The following KLRF2 variants were observed in gnomAD, a reference collection of about 807,000 sequenced individuals.
KLRF2 encodes the protein killer cell lectin-like receptor subfamily F member 2.
Under a neutral mutation model 25.3 loss-of-function variants are expected in KLRF2, and 28 were observed. The observed-to-expected ratio is 1.11, with a 90% CI of 0.82 to 1.52. The LOEUF is 1.52. Among genes scored for constraint, KLRF2 ranks in the 40% most tolerant of loss-of-function variants. KLRF2 has a pLI of 0.00. For missense variants in KLRF2, 265 were observed against 245.8 expected, an observed-to-expected ratio of 1.08 and a Z score of -0.52; for synonymous variants, 73 against 85.0, an observed-to-expected ratio of 0.86 and a Z score of 0.78.
At chr12:9,888,686 A>G (rs566479399) in intron 2 of KLRF2, 47 bp from the exon 3 acceptor site, 17 of 1,092,070 alleles carry the variant, frequency 1.6e-5, no homozygotes, top group Non-Finnish European at 2.1e-5. Flanking sequence ...CTAGATTGCT[A>G]TTGATTTTTA....
intron 5 of KLRF2, among the ~76,000 whole-genome samples, chr12:9,894,126 T>TC (rs1862724726): frequency 1.5e-5 from 2 of 130,198 alleles, no homozygotes; most frequent in Non-Finnish European, 3.2e-5. Flanking sequence ...TTTCTTTTCT[T>TC]TCTCTCTCTC....
intron 3 of KLRF2, among the ~76,000 whole-genome samples, chr12:9,890,057 AT>A (rs1160223247): frequency 6.6e-6 from 1 of 152,106 alleles, no homozygotes; most frequent in Non-Finnish European, 1.5e-5. Flanking sequence ...CATAATCAAT[AT>A]TTTCCATCTG....
At chr12:9,882,252 TACCAG>T (rs59508172) in intron 1 of KLRF2, among the ~76,000 whole-genome samples, 15,552 of 152,080 alleles carry the variant, frequency 0.1, 1,131 homozygotes, top group East Asian at 0.33. Context: ...AATTCAGAAT[TACCAG>T]TCGCAGTGGC....
intron 3 of KLRF2, among the ~76,000 whole-genome samples, chr12:9,892,683 C>G (rs1300142013): frequency 6.9e-6 from 1 of 145,096 alleles, no homozygotes; most frequent in East Asian, 2.0e-4. Flanking sequence ...CTCCCAGGTT[C>G]AAGCGATTCT....
chr12:9,894,472 A>C (rs1307530555), intron 5 of KLRF2, among the ~76,000 whole-genome samples: 1 of 151,564 alleles, frequency 6.6e-6, no homozygotes, highest in Non-Finnish European at 1.5e-5. Context: ...GTGAGCCACC[A>C]CTCCCAGCCT....
intron 2 of KLRF2, among the ~76,000 whole-genome samples, chr12:9,885,738 AT>A (rs1351011762): frequency 3.3e-5 from 5 of 152,000 alleles, no homozygotes; most frequent in African/African-American, 1.2e-4. Flanking sequence ...TACTTAATGT[AT>A]TTTTTCTCTA....
chr12:9,895,278 A>C (rs1862743888), intron 5 of KLRF2, among the ~76,000 whole-genome samples: 1 of 152,228 alleles, frequency 6.6e-6, no homozygotes, highest in East Asian at 1.9e-4. Flanking sequence ...TGGAGAATTA[A>C]TAGATAGGAA....
intron 5 of KLRF2, 117 bp from the exon 6 acceptor site, chr12:9,895,572 C>A: frequency 2.2e-6 from 2 of 908,552 alleles, no homozygotes; most frequent in Non-Finnish European, 1.6e-6. Flanking sequence ...ATTCTAAAAC[C>A]TCTGCAAAAC....
chr12:9,891,394 C>G (rs1008329513), intron 3 of KLRF2, among the ~76,000 whole-genome samples: 5 of 152,156 alleles, frequency 3.3e-5, no homozygotes, highest in African/African-American at 1.2e-4. Context: ...GTGTCCACAT[C>G]TTGCATCTTC....
In KLRF2 at chr12:9,893,122, C is replaced by T. The variant is rs1394454805; in HGVS notation, c.320C>T (p.Thr107Ile). 2 of 1,535,516 alleles carry T rather than the reference C, an allele frequency of 1.3e-6. No homozygotes were observed. Among genetic ancestry groups the T allele is most frequent in the East Asian group, 4.9e-5 (2 of 40,896 alleles). ...TGGAAAGAGAGTCAACGTGATTGTA[C>T]ACAGCTACAGGCACATTTACTGGTG... ...KTWKESQRDC[T>I]QLQAHLLVIQ... The change falls in exon 4 of 6, where the codon ACA becomes ATA. Residue 107 changes from threonine (T) to isoleucine (I), a missense_variant. Coordinates refer to ENST00000535540, the MANE Select transcript of KLRF2 (RefSeq NM_001190765.1).
At chr12:9,889,965 T>A (rs2137000858) in intron 3 of KLRF2, among the ~76,000 whole-genome samples, 1 of 152,230 alleles carries the variant, frequency 6.6e-6, no homozygotes, top group African/African-American at 2.4e-5. Context: ...TAAATTTTTA[T>A]TACATAAATA....
At chr12:9,891,504 A>G (rs1224007229) in intron 3 of KLRF2, among the ~76,000 whole-genome samples, 1 of 152,180 alleles carries the variant, frequency 6.6e-6, no homozygotes, top group Non-Finnish European at 1.5e-5. Context: ...TATCTACATA[A>G]TAAAATTATT....
At chr12:9,892,735 CCA>C (rs1466081739) in intron 3 of KLRF2, among the ~76,000 whole-genome samples, 5 of 151,836 alleles carry the variant, frequency 3.3e-5, no homozygotes, top group Non-Finnish European at 7.4e-5. Flanking sequence ...CAGGCATGGG[CCA>C]CCATGCCTGG....
intron 1 of KLRF2, among the ~76,000 whole-genome samples, chr12:9,882,346 C>T (rs1181674641): frequency 6.6e-6 from 1 of 152,202 alleles, no homozygotes; most frequent in African/African-American, 2.4e-5. Flanking sequence ...CCTGCACCCC[C>T]TGCCCCCACA....
At chr12:9,893,248 G>T in intron 4 of KLRF2, 80 bp downstream of exon 4, 2 of 1,305,636 alleles carry the variant, frequency 1.5e-6, no homozygotes, top group Non-Finnish European at 2.1e-6. Context: ...AGCTTGGGAG[G>T]TTTATTGTCG....
intron 1 of KLRF2, among the ~76,000 whole-genome samples, chr12:9,883,920 C>T (rs1405062074): frequency 6.6e-6 from 1 of 151,862 alleles, no homozygotes; most frequent in Admixed American, 6.6e-5. Context: ...AAATGTACAA[C>T]CAAGGTGATG....
At chr12:9,893,708 CCTTTT>C (rs1314681155) in intron 5 of KLRF2, among the ~76,000 whole-genome samples, 167 bp downstream of exon 5, 1 of 45,970 alleles carries the variant, frequency 2.2e-5, no homozygotes, top group Non-Finnish European at 8.4e-5. Context: ...TTCCTCCCTC[CCTTTT>C]TTTTCTTTGC....
intron 2 of KLRF2, among the ~76,000 whole-genome samples, chr12:9,886,297 C>T (rs950597991): frequency 2.0e-5 from 3 of 151,812 alleles, no homozygotes; most frequent in African/African-American, 7.3e-5. Context: ...GAGTATTGAC[C>T]ATAAATATTT....
At chr12:9,883,503 T>C (rs1868116839) in intron 1 of KLRF2, among the ~76,000 whole-genome samples, 2 of 152,212 alleles carry the variant, frequency 1.3e-5, no homozygotes, top group African/African-American at 4.8e-5. Flanking sequence ...TGTTCAGTTT[T>C]TTATAAATCT....
Sources: allele counts gnomAD v4.1 joint callset (sites outside exome capture counted in the v4.1 genomes callset), GRCh38; gene constraint gnomAD v4.1.1; transcripts MANE v1.5; gene names NCBI Gene and HGNC (gene_info 2026-07-23, HGNC 2026-07-21).